The following CRY1 variants were observed in gnomAD, a reference collection of about 807,000 sequenced individuals.
CRY1 encodes the protein cryptochrome-1.
Under a neutral mutation model 76.0 loss-of-function variants are expected in CRY1, and 45 were observed. The observed-to-expected ratio is 0.59, with a 90% CI of 0.47 to 0.76. CRY1 has a LOEUF of 0.76. Ranked by LOEUF, CRY1 falls within the 30% of genes least tolerant of loss-of-function variation. The probability of loss-of-function intolerance (pLI) is 0.00; values close to 1 mark genes in which losing one functional copy is unlikely to be tolerated. For missense variants in CRY1, 587 were observed against 716.4 expected, an observed-to-expected ratio of 0.82 and a Z score of 2.06; for synonymous variants, 248 against 244.0, an observed-to-expected ratio of 1.02 and a Z score of -0.15.
chr12:107,068,303 T>C (rs1340331001), intron 1 of CRY1, among the ~76,000 whole-genome samples: 1 of 152,198 alleles, frequency 6.6e-6, no homozygotes, highest in Non-Finnish European at 1.5e-5. Context: ...ACAAAACTAA[T>C]AATTTTTTCT....
chr12:107,083,366 C>T (rs755312876), intron 1 of CRY1, among the ~76,000 whole-genome samples: 27 of 152,102 alleles, frequency 1.8e-4, no homozygotes, highest in Non-Finnish European at 3.1e-4. Context: ...CATTCTGATA[C>T]CAAAACCTGG....
intron 1 of CRY1, among the ~76,000 whole-genome samples, chr12:107,086,490 C>T (rs923606248): frequency 6.6e-6 from 1 of 152,220 alleles, no homozygotes; most frequent in Non-Finnish European, 1.5e-5. Context: ...ATCACAGGCT[C>T]AGAGGCCTCC....
intron 1 of CRY1, among the ~76,000 whole-genome samples, chr12:107,091,036 C>G (rs1001238897): frequency 6.6e-6 from 1 of 151,648 alleles, no homozygotes; most frequent in African/African-American, 2.4e-5. Context: ...TAGCACCAAA[C>G]TATAAGTCCT....
intron 1 of CRY1, among the ~76,000 whole-genome samples, chr12:107,050,913 G>A (rs936520063): frequency 2.0e-5 from 3 of 152,132 alleles, no homozygotes; most frequent in Non-Finnish European, 4.4e-5. Context: ...GAAAGAGCAG[G>A]ACAGAAAGAT....
At chr12:107,049,336 C>T (rs1952889043) in intron 1 of CRY1, among the ~76,000 whole-genome samples, 1 of 152,138 alleles carries the variant, frequency 6.6e-6, no homozygotes, top group Non-Finnish European at 1.5e-5. Flanking sequence ...TCTTGGTTTT[C>T]CTTTTCTTCC....
At chr12:107,026,803 C>T (rs891719837) in intron 1 of CRY1, among the ~76,000 whole-genome samples, 14 of 148,006 alleles carry the variant, frequency 9.5e-5, no homozygotes, top group Non-Finnish European at 1.5e-4. Flanking sequence ...AGAAAACACC[C>T]CATGCATTTC....
rs557119752 is a variant in CRY1, at chr12:107,060,288, G to A, written c.158+32516C>T. 2.9e-4 allele frequency among the ~76,000 whole-genome samples: 44 copies of A among 152,286 alleles called. 1 individual carries two copies. The South Asian group carries it at 9.1e-3, about 32-fold the overall frequency. ...GACCTTTAAGATGTGATGAGGCCAG[G>A]AGGGCTCTATTTCATTAATGCCATT... is the stretch of plus-strand genomic sequence containing the variant. On this transcript the variant is annotated intron_variant, in intron 1 of 12. Transcript: ENST00000008527.
At chr12:107,000,857 C>T (rs757846098) in intron 5 of CRY1, among the ~76,000 whole-genome samples, 1 of 152,126 alleles carries the variant, frequency 6.6e-6, no homozygotes, top group African/African-American at 2.4e-5. Flanking sequence ...GCCATGTTGG[C>T]CAGGCTGGTC....
chr12:107,022,815 C>A (rs575033443), intron 1 of CRY1, among the ~76,000 whole-genome samples: 6 of 149,470 alleles, frequency 4.0e-5, no homozygotes, highest in Non-Finnish European at 8.9e-5. Context: ...TTATTAATTC[C>A]CTGAGTGTAG....
intron 2 of CRY1, among the ~76,000 whole-genome samples, chr12:107,008,198 C>T (rs1952397009): frequency 6.6e-6 from 1 of 152,206 alleles, no homozygotes; most frequent in African/African-American, 2.4e-5. Flanking sequence ...TAGCCCAGCT[C>T]CTTCTCCTAA....
intron 1 of CRY1, among the ~76,000 whole-genome samples, chr12:107,089,925 A>G (rs1953450713): frequency 6.6e-6 from 1 of 152,236 alleles, no homozygotes; most frequent in Non-Finnish European, 1.5e-5. Flanking sequence ...GATTCCAAAA[A>G]GACTTTTGCC....
intron 1 of CRY1, among the ~76,000 whole-genome samples, chr12:107,053,918 A>C (rs1040626508): frequency 1.3e-5 from 2 of 152,198 alleles, no homozygotes; most frequent in Non-Finnish European, 2.9e-5. Flanking sequence ...GGCTCAGAGA[A>C]AATCACTGTC....
Position 107,017,448 on chromosome 12 carries a change from T to C in CRY1, c.267+4636A>G, listed in dbSNP as rs187861829. On this transcript the variant is annotated intron_variant, in intron 2 of 12. Transcript: ENST00000008527. ...TATTGGTTTCACTCGGATCTGCTCATGAGGCTGCAATTCGCTGGCAGCTTG... is the reference window on the plus strand; with the variant it reads ...TATTGGTTTCACTCGGATCTGCTCACGAGGCTGCAATTCGCTGGCAGCTTG... 1.6e-4 allele frequency among the ~76,000 whole-genome samples: 24 copies of C among 152,372 alleles called. No individual in the cohort carries two copies. The East Asian group carries it at 2.7e-3, about 17-fold the overall frequency.
chr12:107,017,865 A>T (rs968451301), intron 2 of CRY1, among the ~76,000 whole-genome samples: 1 of 152,146 alleles, frequency 6.6e-6, no homozygotes, highest in African/African-American at 2.4e-5. Flanking sequence ...GCCTTCTTTG[A>T]TTCCATATAA....
chr12:107,088,004 A>G (rs1953423516), intron 1 of CRY1, among the ~76,000 whole-genome samples: 1 of 152,174 alleles, frequency 6.6e-6, no homozygotes, highest in Non-Finnish European at 1.5e-5. Flanking sequence ...ACGCCTCTGC[A>G]CTCCAGCCTG....
Position 106,999,840 on chromosome 12 carries a change from G to A in CRY1, c.848C>T (p.Pro283Leu). ...YKKVKKNSSP[P>L]LSLYGQLLWR... is the part of the protein sequence containing the mutation. ...TAACAGTTGCCCATAAAGGGAAAGG[G>A]GAGGGGAACTGTTCTTCTTTACCTA... is the stretch of plus-strand genomic sequence containing the variant. The change falls in exon 7 of 13, where the codon CCC (proline) becomes CTC (leucine). Residue 283 changes from proline (P) to leucine (L), a missense_variant. Pro to Leu is a moderately conservative substitution (Grantham distance 98, BLOSUM62 -3). Coordinates refer to ENST00000008527, the MANE Select transcript of CRY1 (RefSeq NM_004075.5). 2 of 1,612,278 alleles carry A rather than the reference G, an allele frequency of 1.2e-6. No homozygotes were observed. The highest frequency in any genetic ancestry group is 1.1e-5 in the South Asian group (1 of 90,744).
At chr12:107,076,554 G>A (rs1355313190) in intron 1 of CRY1, among the ~76,000 whole-genome samples, 1 of 150,894 alleles carries the variant, frequency 6.6e-6, no homozygotes, top group Non-Finnish European at 1.5e-5. Context: ...GGCAGAGGTT[G>A]CAGTGAGCTG....
intron 1 of CRY1, among the ~76,000 whole-genome samples, chr12:107,090,888 C>T (rs557092174): frequency 6.6e-6 from 1 of 152,290 alleles, no homozygotes; most frequent in Admixed American, 6.5e-5. Flanking sequence ...CAATCACCCT[C>T]CCAATGGCTT....
intron 1 of CRY1, among the ~76,000 whole-genome samples, chr12:107,028,819 G>C (rs571921708): frequency 6.2e-4 from 94 of 152,168 alleles, no homozygotes; most frequent in African/African-American, 2.2e-3. Flanking sequence ...TTGGTGATGT[G>C]ATTTTCTGAA....
Sources: gnomAD v4.1 joint callset for allele counts (sites outside exome capture counted in the v4.1 genomes callset) on GRCh38, gnomAD v4.1.1 for gene constraint, MANE v1.5 for transcripts, NCBI Gene and HGNC (gene_info 2026-07-23, HGNC 2026-07-21) for gene names.